The following PDGFRA variants were observed in gnomAD, a reference collection of about 807,000 sequenced individuals.
The protein encoded by PDGFRA is platelet-derived growth factor receptor alpha.
A neutral mutation model predicts 121.5 loss-of-function variants in PDGFRA; 25 were observed. The ratio of observed to expected loss-of-function variants is 0.21; its 90% CI spans 0.15 to 0.29. The LOEUF is 0.29. Among genes scored for constraint, PDGFRA ranks in the 10% least tolerant of loss-of-function variants. The pLI is 1.00. For synonymous variants in PDGFRA, 463 were observed against 494.8 expected, an observed-to-expected ratio of 0.94 and a Z score of 0.85; for missense variants, 1,008 against 1,345.1, an observed-to-expected ratio of 0.75 and a Z score of 3.92.
intron 3 of PDGFRA, among the ~76,000 whole-genome samples, chr4:54,261,682 A>G (rs1283975525): frequency 5.3e-5 from 8 of 151,554 alleles, no homozygotes; most frequent in Non-Finnish European, 8.8e-5. Context: ...ACTCATCTCT[A>G]TTCAGTTCAT....
chr4:54,282,132 G>A (rs1315647412), intron 16 of PDGFRA, among the ~76,000 whole-genome samples: 1 of 152,134 alleles, frequency 6.6e-6, no homozygotes, highest in Admixed American at 6.6e-5. Context: ...ATAATTATGT[G>A]TAAGATTGGT....
chr4:54,282,333 C>T (rs140796831), intron 16 of PDGFRA, among the ~76,000 whole-genome samples: 5 of 152,250 alleles, frequency 3.3e-5, no homozygotes, highest in Admixed American at 6.5e-5. Flanking sequence ...GGAGAGGCCT[C>T]ATGAAGCCAT....
In PDGFRA at chr4:54,274,962, G is replaced by A. The variant is rs1444218873; in HGVS notation, c.1775G>A (p.Gly592Glu). ...TCAAGATGGGAGTTTCCAAGAGATG[G>A]ACTAGTGCTTGGTAAGTTCCATGGG... ...YDSRWEFPRD[G>E]LVLGRVLGSG... The change falls in exon 12 of 23, where the codon GGA becomes GAA. Residue 592 changes from glycine to glutamate, a missense_variant. Transcript: ENST00000257290. The A allele has an allele frequency of 6.2e-7, 1 of 1,614,080 alleles. No individual in the cohort carries two copies. The highest frequency in any genetic ancestry group is 1.1e-5 in the South Asian group (1 of 91,080).
At chr4:54,233,510 C>T (rs1454227995) in intron 1 of PDGFRA, among the ~76,000 whole-genome samples, 1 of 152,244 alleles carries the variant, frequency 6.6e-6, no homozygotes, top group Non-Finnish European at 1.5e-5. Context: ...TCCCCAGCCC[C>T]GGGCGGTCGG....
At chr4:54,277,253 T>C in intron 12 of PDGFRA, 135 bp from the exon 13 acceptor site, 1 of 733,022 alleles carries the variant, frequency 1.4e-6, no homozygotes, top group Non-Finnish European at 2.5e-6. Context: ...CACGATGACT[T>C]GGAGGAGTCA....
At chr4:54,231,242 C>G (rs113197977) in intron 1 of PDGFRA, among the ~76,000 whole-genome samples, 274 of 152,358 alleles carry the variant, frequency 1.8e-3, no homozygotes, top group African/African-American at 6.4e-3. Flanking sequence ...GGGCCCATAT[C>G]AGGTCCCTAC....
Position 54,290,411 on chromosome 4 carries a change from C to T in PDGFRA, c.2979C>T (p.Tyr993=). 2 of 1,614,048 alleles carry T rather than the reference C, an allele frequency of 1.2e-6. No individual in the cohort carries two copies. The highest frequency in any genetic ancestry group is 2.2e-5 in the South Asian group (2 of 91,082). The stretch of plus-strand genomic sequence containing the variant: ...ACAATGCATACATTGGTGTCACCTA[C>T]AAAAACGAGGAAGACAAGCTGAAGG... ...DSDNAYIGVT[Y]KNEEDKLKDW... is the part of the protein sequence containing the mutation. Residue 993 remains tyrosine (Y), a synonymous_variant, in exon 22 of 23, where the codon TAC becomes TAT. Transcript: ENST00000257290.
Position 54,293,549 on chromosome 4 carries a change from G to A in PDGFRA, c.3123-1576G>A, listed in dbSNP as rs557600694. On this transcript the variant is annotated intron_variant, in intron 22 of 22. Transcript: ENST00000257290. ...GAGTTCAAGCCATTCTCATACCTCC[G>A]CCTCCTGAGTAGCTGGGATTACAGG... 1.4e-4 allele frequency among the ~76,000 whole-genome samples: 21 copies of A among 148,100 alleles called. No individual in the cohort carries two copies. The South Asian group carries it at 2.4e-3, about 17-fold the overall frequency.
chr4:54,244,078 G>A (rs1480942189), intron 1 of PDGFRA, among the ~76,000 whole-genome samples: 2 of 152,224 alleles, frequency 1.3e-5, no homozygotes, highest in Non-Finnish European at 2.9e-5. Flanking sequence ...CGAACAGGGT[G>A]GAGCCCACCA....
chr4:54,274,424 C>A, intron 10 of PDGFRA, 107 bp from the exon 11 acceptor site: 1 of 824,436 alleles, frequency 1.2e-6, no homozygotes, highest in Non-Finnish European at 2.1e-6. Flanking sequence ...CACACTTCCC[C>A]ACCAGCAGTG....
chr4:54,250,814 C>T (rs1722015957), intron 1 of PDGFRA, among the ~76,000 whole-genome samples: 1 of 152,090 alleles, frequency 6.6e-6, no homozygotes, highest in Admixed American at 6.6e-5. Flanking sequence ...ACTGTAATCC[C>T]AGCACTTTGG....
At chr4:54,279,968 A>G (rs1723978522) in intron 15 of PDGFRA, among the ~76,000 whole-genome samples, 1 of 151,892 alleles carries the variant, frequency 6.6e-6, no homozygotes, top group South Asian at 2.1e-4. Flanking sequence ...CAGTTTCTTT[A>G]TCCACTCCTT....
chr4:54,258,519 A>G (rs1027489162), intron 1 of PDGFRA, among the ~76,000 whole-genome samples: 1 of 152,140 alleles, frequency 6.6e-6, no homozygotes, highest in African/African-American at 2.4e-5. Context: ...GACCATTGAA[A>G]ACTGCATGCA....
intron 16 of PDGFRA, among the ~76,000 whole-genome samples, chr4:54,283,828 T>C (rs1255766299): frequency 6.6e-6 from 1 of 152,208 alleles, no homozygotes; most frequent in African/African-American, 2.4e-5. Flanking sequence ...GTTTGAACTC[T>C]TGGACTCAAG....
chr4:54,265,881 T>C (rs1391881096), intron 5 of PDGFRA, among the ~76,000 whole-genome samples: 1 of 152,214 alleles, frequency 6.6e-6, no homozygotes, highest in Non-Finnish European at 1.5e-5. Flanking sequence ...AAATTTCTGC[T>C]CCCTGTTCTT....
At chr4:54,281,991 G>A (rs1724104346) in intron 16 of PDGFRA, 3 of 1,067,740 alleles carry the variant, frequency 2.8e-6, no homozygotes, top group Non-Finnish European at 3.4e-6. Flanking sequence ...TTTTCATGTA[G>A]CTTGTATGTG....
In PDGFRA at chr4:54,287,484, A is replaced by T; in HGVS notation, c.2617A>T (p.Thr873Ser). Residue 873 changes from threonine to serine, a missense_variant, in exon 19 of 23, where the codon ACC becomes TCC. Thr to Ser is a moderately conservative substitution (Grantham distance 58, BLOSUM62 1). Around this residue, in one of 5 missense-constraint regions of PDGFRA, gnomAD observed 40 missense variants for 127.4 expected, o/e 0.31. Coordinates refer to ENST00000257290, the MANE Select transcript of PDGFRA (RefSeq NM_006206.6). ...APESIFDNLY[T>S]TLSDVWSYGI... ...TGAGAGCATCTTTGACAACCTCTAC[A>T]CCACACTGAGTGATGTCTGGTCTTA... The T allele has an allele frequency of 1.3e-6, 2 of 1,581,934 alleles. No homozygotes were observed. Among genetic ancestry groups the T allele is most frequent in the Non-Finnish European group, 1.7e-6 (2 of 1,150,746 alleles).
chr4:54,235,038 G>C (rs1339966085), intron 1 of PDGFRA, among the ~76,000 whole-genome samples: 2 of 152,144 alleles, frequency 1.3e-5, no homozygotes, highest in Non-Finnish European at 2.9e-5. Context: ...AGAGGTCCTG[G>C]TAAACACACC....
intron 1 of PDGFRA, among the ~76,000 whole-genome samples, chr4:54,248,910 C>T (rs1186639459): frequency 1.3e-5 from 2 of 152,058 alleles, no homozygotes; most frequent in Non-Finnish European, 2.9e-5. Flanking sequence ...GGGCAAAGGA[C>T]ATGAACAGAC....
Sources: allele counts gnomAD v4.1 joint callset (sites outside exome capture counted in the v4.1 genomes callset), GRCh38; gene constraint gnomAD v4.1.1; regional missense constraint gnomAD v4.1.1; transcripts MANE v1.5; gene names NCBI Gene and HGNC (gene_info 2026-07-23, HGNC 2026-07-21).